Variants in NELL2 observed in about 807,000 individuals in gnomAD.
NELL2 encodes protein kinase C-binding protein NELL2.
NELL2 carries 41 observed loss-of-function variants against 109.6 expected under a neutral mutation model. The observed-to-expected ratio is 0.37, with a 90% confidence interval of 0.29 to 0.49. The LOEUF is 0.49. NELL2 is among the 20% of genes least tolerant of loss of function. NELL2 has a pLI of 0.98. For missense variants in NELL2, 900 were observed against 1,008.3 expected, an observed-to-expected ratio of 0.89 and a Z score of 1.45; for synonymous variants, 355 against 344.7, an observed-to-expected ratio of 1.03 and a Z score of -0.33.
rs775340070 is a variant in NELL2, at chr12:44,886,139, GGA to G, written c.39-10241_39-10240del. Among the ~76,000 whole-genome samples the G allele has an allele frequency of 6.2e-3, 899 of 146,070 alleles. 6 individuals carry two copies. Among genetic ancestry groups the G allele is most frequent in the East Asian group, 0.019 (96 of 5,086 alleles). ...AGGAAGGAAGGAAGGAAGGAAGGAAGGAAGGAAGAAAGGGAGAGAATCCTCAT... is the reference window on the plus strand; with the variant it reads ...AGGAAGGAAGGAAGGAAGGAAGGAAGAGGAAGAAAGGGAGAGAATCCTCAT... On this transcript the variant is annotated intron_variant, in intron 1 of 20. Transcript: ENST00000333837.
At chr12:44,654,901 A>G (rs958780900) in intron 13 of NELL2, among the ~76,000 whole-genome samples, 1 of 152,196 alleles carries the variant, frequency 6.6e-6, no homozygotes, top group African/African-American at 2.4e-5. Context: ...ATAAGGCACA[A>G]GGAAGGTCAA....
Position 44,774,770 on chromosome 12 carries a change from C to CAAA in NELL2, c.970_971insTTT (p.Gly324delinsValCys), listed in dbSNP as rs1175602849. ...ACATTTGCATTCCTTACAGCATTTGCCATCCACATACGCAAGAGCCGACTT... is the reference window on the plus strand; with the variant it reads ...ACATTTGCATTCCTTACAGCATTTGCAAACATCCACATACGCAAGAGCCGACTT... On this transcript the variant is annotated protein_altering_variant, in exon 9 of 20. Transcript: ENST00000429094. 6.2e-7 allele frequency: 1 copy of CAAA among 1,613,908 alleles called. No individual in the cohort carries two copies. The highest frequency in any genetic ancestry group is 8.5e-7 in the Non-Finnish European group (1 of 1,179,816).
rs1170278312 is a variant in NELL2, at chr12:44,780,012, G to C, written c.346C>G (p.Leu116Val). 1 of 1,613,512 alleles carries C rather than the reference G, an allele frequency of 6.2e-7. No homozygotes were observed. Among genetic ancestry groups the C allele is most frequent in the South Asian group, 1.1e-5 (1 of 91,044 alleles). Reference sequence around the variant, plus strand: ...TCATTCCGATGGCCACTACTTTCCAGTTCCAGGTACCTGCAGAGAGAAGAG... The same window carrying C: ...TCATTCCGATGGCCACTACTTTCCACTTCCAGGTACCTGCAGAGAGAAGAG... Reference protein sequence around the residue: ...IHHLDHRYLELESSGHRNEVR... With the variant: ...IHHLDHRYLEVESSGHRNEVR... Residue 116 changes from leucine (L) to valine (V), a missense_variant, in exon 4 of 20, where the codon CTG (leucine) becomes GTG (valine). Around this residue, in one of 4 missense-constraint regions of NELL2, gnomAD observed 200 missense variants for 191.8 expected, o/e 1.04. Transcript: ENST00000429094.
At chr12:44,675,225 C>A (rs1948266368) in intron 12 of NELL2, among the ~76,000 whole-genome samples, 1 of 152,134 alleles carries the variant, frequency 6.6e-6, no homozygotes, top group African/African-American at 2.4e-5. Flanking sequence ...AGCCTGAACT[C>A]TGGACCTGCA....
intron 12 of NELL2, among the ~76,000 whole-genome samples, chr12:44,669,502 G>T (rs550679002): frequency 2.4e-4 from 37 of 151,966 alleles, no homozygotes; most frequent in African/African-American, 8.9e-4. Flanking sequence ...AGAAATCAGG[G>T]AAACAAGTCA....
intron 3 of NELL2, among the ~76,000 whole-genome samples, chr12:44,787,759 GAA>G (rs34778111): frequency 2.0e-5 from 3 of 149,796 alleles, no homozygotes; most frequent in African/African-American, 2.5e-5. Flanking sequence ...AATGTTAAGG[GAA>G]AAAAAAAAAT....
intron 2 of NELL2, among the ~76,000 whole-genome samples, chr12:44,861,859 C>A (rs1035015259): frequency 9.2e-5 from 14 of 152,226 alleles, no homozygotes; most frequent in African/African-American, 3.1e-4. Context: ...TATGAACTGG[C>A]TGACTGGTGA....
chr12:44,917,688 C>T (rs377371178), upstream of NELL2, among the ~76,000 whole-genome samples: 19 of 152,258 alleles, frequency 1.2e-4, no homozygotes, highest in East Asian at 2.3e-3. Context: ...TCAAGTTAAT[C>T]ATAAGGAAGC....
chr12:44,588,276 T>TA (rs1216498721), intron 15 of NELL2, among the ~76,000 whole-genome samples: 2 of 152,246 alleles, frequency 1.3e-5, no homozygotes, highest in African/African-American at 4.8e-5. Flanking sequence ...CAGTGACTGA[T>TA]AAGCACCATG....
chr12:44,622,703 T>A (rs1946103065), intron 13 of NELL2, among the ~76,000 whole-genome samples: 10 of 152,270 alleles, frequency 6.6e-5, no homozygotes. Flanking sequence ...TGACCTTTAA[T>A]CTTCCAACTT....
In NELL2 at chr12:44,589,548, T is replaced by C. The variant is rs541562632; in HGVS notation, c.1663+17621A>G. Among the ~76,000 whole-genome samples the C allele has an allele frequency of 2.6e-5, 4 of 152,230 alleles. No individual in the cohort carries two copies. In the South Asian group the frequency reaches 8.3e-4, roughly 32 times the overall value. On this transcript the variant is annotated intron_variant, in intron 15 of 19. Transcript: ENST00000429094. ...ACAGGCACGTACCACCTCCAGCTAA[T>C]TTTTGTATTTTTAGTAAAGATGCGG...
intron 15 of NELL2, among the ~76,000 whole-genome samples, chr12:44,535,931 G>T (rs190062677): frequency 6.6e-6 from 1 of 151,934 alleles, no homozygotes; most frequent in East Asian, 1.9e-4. Context: ...ATTTATAAAA[G>T]ATACCTATGT....
intron 12 of NELL2, among the ~76,000 whole-genome samples, chr12:44,690,515 T>C (rs1592342670): frequency 1.3e-5 from 2 of 151,600 alleles, no homozygotes. Context: ...TTGGATCACA[T>C]GTTGGACCTC....
chr12:44,830,795 G>T (rs1201320618), intron 2 of NELL2, among the ~76,000 whole-genome samples: 2 of 151,848 alleles, frequency 1.3e-5, no homozygotes, highest in Admixed American at 6.6e-5. Context: ...TTCTGCTTCA[G>T]TTTCCCAGCC....
chr12:44,520,790 A>G (rs1941490062), intron 18 of NELL2, among the ~76,000 whole-genome samples: 1 of 152,176 alleles, frequency 6.6e-6, no homozygotes, highest in Non-Finnish European at 1.5e-5. Flanking sequence ...AATTCCACAC[A>G]GGAAAATTGT....
chr12:44,722,588 G>A (rs929366446), intron 9 of NELL2, among the ~76,000 whole-genome samples: 2 of 152,190 alleles, frequency 1.3e-5, no homozygotes, highest in African/African-American at 4.8e-5. Context: ...ATAACTCAGA[G>A]AAGAACACAG....
chr12:44,633,916 A>T (rs1005525074), intron 13 of NELL2, among the ~76,000 whole-genome samples: 15 of 152,098 alleles, frequency 9.9e-5, no homozygotes, highest in African/African-American at 3.4e-4. Flanking sequence ...CATTCCTGTA[A>T]AATTCTTTAC....
At chr12:44,687,966 A>G (rs1948780843) in intron 12 of NELL2, among the ~76,000 whole-genome samples, 1 of 152,216 alleles carries the variant, frequency 6.6e-6, no homozygotes, top group African/African-American at 2.4e-5. Context: ...TAATTTGTTT[A>G]AAATGAATTG....
intron 12 of NELL2, among the ~76,000 whole-genome samples, chr12:44,669,583 G>A (rs1240342015): frequency 1.3e-5 from 2 of 151,976 alleles, no homozygotes; most frequent in African/African-American, 4.8e-5. Context: ...AAAAGGCAAT[G>A]ACTGAAAGAA....
Sources: allele counts gnomAD v4.1 joint callset (sites outside exome capture counted in the v4.1 genomes callset), GRCh38; gene constraint gnomAD v4.1.1; regional missense constraint gnomAD v4.1.1; transcripts MANE v1.5; gene names NCBI Gene and HGNC (gene_info 2026-07-23, HGNC 2026-07-21).